The following AGBL4 variants were observed in gnomAD, a reference collection of about 807,000 sequenced individuals.
AGBL4 encodes the protein AGBL carboxypeptidase 4.
Under a neutral mutation model 66.4 loss-of-function variants are expected in AGBL4, and 58 were observed. The ratio of observed to expected loss-of-function variants is 0.87; its 90% CI spans 0.71 to 1.09. The LOEUF (loss-of-function observed/expected upper bound fraction) is 1.09, where lower values mean the gene tolerates loss of function less well. Among genes scored for constraint, AGBL4 ranks in the 50% least tolerant of loss-of-function variants. The pLI is 0.00. For missense variants in AGBL4, 579 were observed against 631.0 expected, an observed-to-expected ratio of 0.92 and a Z score of 0.88; for synonymous variants, 234 against 222.9, an observed-to-expected ratio of 1.05 and a Z score of -0.44.
chr1:49,130,574 C>T (rs1447396620), intron 4 of AGBL4, among the ~76,000 whole-genome samples: 1 of 152,032 alleles, frequency 6.6e-6, no homozygotes, highest in Non-Finnish European at 1.5e-5. Flanking sequence ...ATAGGGAATC[C>T]TTTCCCCATT....
chr1:49,560,523 G>C (rs1272029943), intron 3 of AGBL4, among the ~76,000 whole-genome samples: 1 of 152,070 alleles, frequency 6.6e-6, no homozygotes, highest in Admixed American at 6.6e-5. Context: ...TCAAAGACAA[G>C]ACTGAGAAAG....
chr1:49,933,120 C>T (rs1413413485), intron 1 of AGBL4, among the ~76,000 whole-genome samples: 2 of 151,962 alleles, frequency 1.3e-5, no homozygotes, highest in African/African-American at 2.4e-5. Context: ...CTGAGATAAA[C>T]CTGCAATCAA....
chr1:49,187,556 G>A (rs369228925), intron 4 of AGBL4: 38 of 152,212 alleles, frequency 2.5e-4, no homozygotes, highest in African/African-American at 9.1e-4. Context: ...GGTGTTAAAA[G>A]ATTTTAAATA....
intron 5 of AGBL4, among the ~76,000 whole-genome samples, chr1:48,995,269 A>G (rs1660915612): frequency 6.6e-6 from 1 of 152,206 alleles, no homozygotes; most frequent in South Asian, 2.1e-4. Flanking sequence ...GTTTTGGCCT[A>G]TCACAACCTC....
At chr1:48,527,057 G>A in the AGBL4 span, among the ~76,000 whole-genome samples, 16 of 152,278 alleles carry the variant, frequency 1.1e-4, no homozygotes, top group African/African-American at 3.6e-4. Context: ...GAATGTCTCA[G>A]AGAGGTTGAG....
intron 1 of AGBL4, among the ~76,000 whole-genome samples, chr1:49,917,062 C>T (rs1651604500): frequency 6.6e-6 from 1 of 152,120 alleles, no homozygotes; most frequent in African/African-American, 2.4e-5. Flanking sequence ...ACCAGGCCTG[C>T]CCAACAAGAG....
chr1:50,006,970 G>A (rs572109629), intron 1 of AGBL4, among the ~76,000 whole-genome samples: 90 of 152,236 alleles, frequency 5.9e-4, no homozygotes, highest in Non-Finnish European at 1.1e-3. Flanking sequence ...CCTATCTTGA[G>A]TATAAAGACT....
intron 7 of AGBL4, among the ~76,000 whole-genome samples, chr1:48,659,451 G>A (rs751187911): frequency 6.6e-6 from 1 of 152,186 alleles, no homozygotes; most frequent in Non-Finnish European, 1.5e-5. Context: ...ATAAGTGCTG[G>A]TTTCATTAAT....
In AGBL4 at chr1:49,436,970, G is replaced by A. The variant is rs185891306; in HGVS notation, c.283-191106C>T. ...ATGCAGTAACAAAATAAAAAAGTGT[G>A]GTAAACCTCTTACTCTTCTTTTCAT... On this transcript the variant is annotated intron_variant, in intron 3 of 13. Transcript: ENST00000371839. Among the ~76,000 whole-genome samples the A allele has an allele frequency of 2.0e-5, 3 of 152,234 alleles. No homozygotes were observed. In the East Asian group the frequency reaches 5.8e-4, roughly 29 times the overall value.
At chr1:49,982,554 C>T (rs564320001) in intron 1 of AGBL4, among the ~76,000 whole-genome samples, 4 of 152,284 alleles carry the variant, frequency 2.6e-5, no homozygotes, top group Non-Finnish European at 5.9e-5. Flanking sequence ...AGGCTTGGGG[C>T]AGAAAGGGGT....
intron 6 of AGBL4, among the ~76,000 whole-genome samples, chr1:48,840,227 T>G (rs1486792241): frequency 1.3e-5 from 2 of 152,126 alleles, no homozygotes; most frequent in Non-Finnish European, 2.9e-5. Flanking sequence ...TCTCTTTTAC[T>G]CTATGCCCTA....
chr1:49,948,178 A>C (rs1284316690), intron 1 of AGBL4, among the ~76,000 whole-genome samples: 7 of 101,160 alleles, frequency 6.9e-5, no homozygotes, highest in South Asian at 3.1e-4. Flanking sequence ...AAATATATAT[A>C]ACTATATATA....
At position 48,903,390 on chromosome 1, in the gene AGBL4, A is replaced by G. The variant is rs144612025; in HGVS notation, c.595-36160T>C. On this transcript the variant is annotated intron_variant, in intron 5 of 13. Coordinates refer to ENST00000371839, the MANE Select transcript of AGBL4 (RefSeq NM_032785.4). ...CTTTGAGCCTCAGGCTTTGCTTCCTATGTGTAATGTTGACAGTTCTAATCA... is the reference window on the plus strand; with the variant it reads ...CTTTGAGCCTCAGGCTTTGCTTCCTGTGTGTAATGTTGACAGTTCTAATCA... Among the ~76,000 whole-genome samples the G allele has an allele frequency of 2.6e-3, 402 of 152,290 alleles. 3 individuals carry two copies. Among genetic ancestry groups the G allele is most frequent in the African/African-American group, 9.4e-3 (389 of 41,554 alleles).
chr1:48,577,916 G>A (rs1644679497), intron 11 of AGBL4, among the ~76,000 whole-genome samples: 1 of 152,178 alleles, frequency 6.6e-6, no homozygotes, highest in South Asian at 2.1e-4. Context: ...AGGAAGGTTA[G>A]ATAAAAACCT....
intron 6 of AGBL4, among the ~76,000 whole-genome samples, chr1:48,852,134 C>T (rs1200824159): frequency 2.0e-5 from 3 of 147,152 alleles, no homozygotes; most frequent in Admixed American, 7.0e-5. Flanking sequence ...GAAGCTTTGA[C>T]AAATTAAGTG....
At chr1:49,556,790 C>A (rs1230003667) in intron 3 of AGBL4, among the ~76,000 whole-genome samples, 1 of 152,034 alleles carries the variant, frequency 6.6e-6, no homozygotes, top group African/African-American at 2.4e-5. Context: ...TCGTGCGGTG[C>A]AAGGGGTGGG....
intron 3 of AGBL4, among the ~76,000 whole-genome samples, chr1:49,611,051 T>C (rs974152369): frequency 1.3e-5 from 2 of 152,188 alleles, no homozygotes; most frequent in Non-Finnish European, 2.9e-5. Flanking sequence ...AGGTTGAGGC[T>C]CACCTAAGGC....
intron 6 of AGBL4, among the ~76,000 whole-genome samples, chr1:48,711,226 G>A (rs538863817): frequency 6.6e-6 from 1 of 152,290 alleles, no homozygotes; most frequent in Admixed American, 6.5e-5. Context: ...GGAGGAGCAG[G>A]GATCAGCAAA....
chr1:49,299,552 C>T (rs890127402), intron 3 of AGBL4, among the ~76,000 whole-genome samples: 1 of 152,180 alleles, frequency 6.6e-6, no homozygotes, highest in African/African-American at 2.4e-5. Context: ...CTTTAGTTCA[C>T]ATAGTAAAAA....
Sources: allele counts gnomAD v4.1 joint callset (sites outside exome capture counted in the v4.1 genomes callset), GRCh38; gene constraint gnomAD v4.1.1; transcripts MANE v1.5; gene names NCBI Gene and HGNC (gene_info 2026-07-23, HGNC 2026-07-21).